Variants in DMD observed in about 807,000 individuals in gnomAD.
The protein encoded by DMD is mutant dystrophin.
A neutral mutation model predicts 330.1 loss-of-function variants in DMD; 63 were observed. The ratio of observed to expected loss-of-function variants is 0.19; its 90% CI spans 0.16 to 0.24. DMD has a LOEUF of 0.24. Among genes scored for constraint, DMD ranks in the 10% least tolerant of loss-of-function variants. The pLI is 1.00. For synonymous variants in DMD, 1,223 were observed against 959.8 expected, an observed-to-expected ratio of 1.27 and a Z score of -5.07; for missense variants, 3,344 against 2,684.1, an observed-to-expected ratio of 1.25 and a Z score of -5.43.
chrX:32,589,670 G>T (rs1006212844), intron 13 of DMD, among the ~76,000 whole-genome samples: 5 of 111,079 alleles, frequency 4.5e-5, no homozygotes, highest in Non-Finnish European at 9.4e-5. Context: ...TATACTACTT[G>T]CATTTTTAAA....
intron 48 of DMD, among the ~76,000 whole-genome samples, chrX:31,848,077 T>C (rs981937482): frequency 1.5e-4 from 17 of 111,868 alleles, no homozygotes; most frequent in South Asian, 3.7e-4. Flanking sequence ...TGTGCATATA[T>C]GCTTATTATT....
At chrX:31,806,673 T>C (rs1418907611) in intron 50 of DMD, among the ~76,000 whole-genome samples, 1 of 112,493 alleles carries the variant, frequency 8.9e-6, no homozygotes, top group African/African-American at 3.2e-5. Context: ...CACGCAGGTC[T>C]ATCCACTCAT....
intron 61 of DMD, among the ~76,000 whole-genome samples, chrX:31,341,891 G>GCGCGCGCGCGCACACACA (rs374298104): frequency 1.8e-4 from 18 of 98,876 alleles, no homozygotes; most frequent in African/African-American, 2.6e-4. Flanking sequence ...GTGCGCGCGC[G>GCGCGCGCGCGCACACACA]CACACACACA....
At chrX:33,095,343 C>T (rs1426560697) in intron 1 of DMD, among the ~76,000 whole-genome samples, 2 of 112,447 alleles carry the variant, frequency 1.8e-5, no homozygotes, top group Admixed American at 9.5e-5. Flanking sequence ...TAAATGTTAG[C>T]ATTCATAGAT....
chrX:33,009,731 TGTATATACACAC>T (rs1451413383), intron 2 of DMD, among the ~76,000 whole-genome samples: 1 of 62,422 alleles, frequency 1.6e-5, no homozygotes, highest in African/African-American at 6.4e-5. Context: ...TGTGTATATG[TGTATATACACAC>T]ATATGTGTAT....
chrX:32,416,470 AAAG>A (rs1305131695), intron 29 of DMD, among the ~76,000 whole-genome samples: 1 of 112,115 alleles, frequency 8.9e-6, no homozygotes, highest in Non-Finnish European at 1.9e-5. Context: ...TCTTCTGAGT[AAAG>A]AAGGATTTTT....
At chrX:31,863,544 G>A (rs369809160) in intron 48 of DMD, among the ~76,000 whole-genome samples, 1 of 111,552 alleles carries the variant, frequency 9.0e-6, no homozygotes, top group Middle Eastern at 4.7e-3. Context: ...AAATATTAGC[G>A]ACTGAAATCC....
intron 59 of DMD, among the ~76,000 whole-genome samples, chrX:31,456,719 A>G (rs991618642): frequency 7.2e-5 from 8 of 110,573 alleles, no homozygotes; most frequent in African/African-American, 2.3e-4. Context: ...GGCCTTTACA[A>G]TGTAGAATGA....
chrX:33,213,762 T>C (rs933184804), upstream of DMD, among the ~76,000 whole-genome samples: 1 of 112,067 alleles, frequency 8.9e-6, no homozygotes, highest in Non-Finnish European at 1.9e-5. Context: ...TACAATTCAG[T>C]ATCCTACAAT....
intron 45 of DMD, among the ~76,000 whole-genome samples, chrX:31,944,546 C>T (rs1197216238): frequency 3.8e-5 from 4 of 105,030 alleles, no homozygotes; most frequent in East Asian, 5.9e-4. Context: ...GGTGCGATCT[C>T]GGCTCACTGC....
chrX:32,250,054 A>G (rs1002926993), intron 43 of DMD, among the ~76,000 whole-genome samples: 1 of 111,906 alleles, frequency 8.9e-6, no homozygotes, highest in Admixed American at 9.5e-5. Flanking sequence ...AAGATGAATT[A>G]AGGTCTTCAT....
intron 44 of DMD, among the ~76,000 whole-genome samples, chrX:32,035,855 G>A (rs1921373): frequency 0.19 from 20,694 of 110,980 alleles, 1,684 homozygotes; most frequent in African/African-American, 0.31. Context: ...AAACAACAGG[G>A]AACGTTAGGA....
At chrX:31,991,513 T>C (rs890774401) in intron 44 of DMD, among the ~76,000 whole-genome samples, 5 of 110,413 alleles carry the variant, frequency 4.5e-5, no homozygotes, top group African/African-American at 1.3e-4. Flanking sequence ...AGAGCAGGGA[T>C]GAATTTGCAA....
chrX:32,408,709 C>G (rs959215311), intron 30 of DMD, among the ~76,000 whole-genome samples: 2 of 111,598 alleles, frequency 1.8e-5, no homozygotes, highest in Non-Finnish European at 3.8e-5. Context: ...ATGAATTAAG[C>G]TAAATATACC....
chrX:32,428,969 T>A (rs1199311702), intron 29 of DMD, among the ~76,000 whole-genome samples: 7 of 111,484 alleles, frequency 6.3e-5, no homozygotes, highest in African/African-American at 2.3e-4. Flanking sequence ...CTAATAATGA[T>A]AATGACCATA....
intron 12 of DMD, among the ~76,000 whole-genome samples, chrX:32,599,436 TA>T (rs2055935022): frequency 9.0e-6 from 1 of 111,444 alleles, no homozygotes; most frequent in East Asian, 2.8e-4. Context: ...CAAGAGTATT[TA>T]AAAAAAATAA....
At chrX:31,952,438 C>T (rs1399298159) in intron 45 of DMD, among the ~76,000 whole-genome samples, 3 of 96,947 alleles carry the variant, frequency 3.1e-5, no homozygotes, top group African/African-American at 4.2e-5. Flanking sequence ...TATCTATTTT[C>T]AAATTTACTG....
intron 30 of DMD, among the ~76,000 whole-genome samples, chrX:32,390,564 A>G (rs918137035): frequency 3.3e-4 from 37 of 112,296 alleles, no homozygotes; most frequent in African/African-American, 9.4e-4. Flanking sequence ...CTTTGAAGTC[A>G]CACTCAAATC....
chrX:31,160,183 G>C (rs1405703027), intron 74 of DMD, among the ~76,000 whole-genome samples: 1 of 111,095 alleles, frequency 9.0e-6, no homozygotes, highest in Non-Finnish European at 1.9e-5. Flanking sequence ...CAAGTCACTG[G>C]TGGCAATTTT....
Sources: gnomAD v4.1 joint callset for allele counts (sites outside exome capture counted in the v4.1 genomes callset) on GRCh38, gnomAD v4.1.1 for gene constraint, MANE v1.5 for transcripts, NCBI Gene and HGNC (gene_info 2026-07-23, HGNC 2026-07-21) for gene names.